The following MYH11 variants were observed in gnomAD, a reference collection of about 807,000 sequenced individuals.
MYH11 encodes the protein myosin-11.
A neutral mutation model predicts 246.6 loss-of-function variants in MYH11; 80 were observed. The observed-to-expected ratio is 0.32, with a 90% CI of 0.27 to 0.39. MYH11 has a LOEUF of 0.39. Ranked by LOEUF, MYH11 falls within the 10% of genes least tolerant of loss-of-function variation. The pLI is 1.00. For synonymous variants in MYH11, 1,071 were observed against 1,015.5 expected (o/e 1.05, Z -1.04); for missense variants, 2,158 against 2,546.8 (o/e 0.85, Z 3.29).
At chr16:15,717,014 T>G in intron 38 of MYH11, 126 bp downstream of exon 38, 1 of 1,015,708 alleles carries the variant, frequency 9.8e-7, no homozygotes, top group Non-Finnish European at 1.6e-6. Flanking sequence ...ACCTGCACTG[T>G]AGGCATCACA....
At chr16:15,755,837 C>G (rs1439164878) in intron 14 of MYH11, among the ~76,000 whole-genome samples, 1 of 152,192 alleles carries the variant, frequency 6.6e-6, no homozygotes, top group African/African-American at 2.4e-5. Context: ...GAGGCTGAGG[C>G]AGGAGAATCT....
At chr16:15,792,605 G>A (rs1293762892) in intron 4 of MYH11, 1 of 152,158 alleles carries the variant, frequency 6.6e-6, no homozygotes, top group East Asian at 1.9e-4. Context: ...GGGTGCGGCT[G>A]TGTTTCAATA....
intron 7 of MYH11, 83 bp downstream of exon 7, chr16:15,778,697 G>C: frequency 7.7e-7 from 1 of 1,292,522 alleles, no homozygotes. Flanking sequence ...GATAGAGGTG[G>C]CTCTTGGACT....
At chr16:15,708,103 A>G (rs1311952773) in intron 40 of MYH11, among the ~76,000 whole-genome samples, 2 of 152,112 alleles carry the variant, frequency 1.3e-5, no homozygotes, top group African/African-American at 4.8e-5. Context: ...AGCCTCCAGA[A>G]AAGGCTCTGC....
intron 40 of MYH11, 88 bp from the exon 41 acceptor site, chr16:15,704,211 T>A: frequency 1.3e-6 from 2 of 1,507,346 alleles, no homozygotes; most frequent in Non-Finnish European, 1.8e-6. Flanking sequence ...AACTTGTAGC[T>A]ATAGTCCTAT....
At chr16:15,843,412 C>T (rs966834295) in intron 1 of MYH11, among the ~76,000 whole-genome samples, 3 of 147,550 alleles carry the variant, frequency 2.0e-5, no homozygotes, top group Non-Finnish European at 3.0e-5. Context: ...AGGAAGAGGC[C>T]GGGCACAGTG....
Position 15,757,894 on chromosome 16 carries a change from C to T in MYH11, c.1508G>A (p.Gly503Asp). 1 of 1,614,240 alleles carries T rather than the reference C, an allele frequency of 6.2e-7. No homozygotes were observed. The highest frequency in any genetic ancestry group is 8.5e-7 in the Non-Finnish European group (1 of 1,180,040). ...ILEQEEYQRE[G>D]IEWNFIDFGL... The stretch of plus-strand genomic sequence containing the variant: ...AAAGTCGATGAAGTTCCACTCGATG[C>T]CCTCGCGCTGGTACTCCTCCTGCTC... Residue 503 changes from glycine to aspartate, a missense_variant, in exon 13 of 41, where the codon GGC (glycine) becomes GAC (aspartate). This residue lies in a region of MYH11 where 317 missense variants were observed against 507.7 expected (regional missense o/e 0.62). Coordinates refer to ENST00000300036, the MANE Select transcript of MYH11 (RefSeq NM_002474.3).
intron 2 of MYH11, among the ~76,000 whole-genome samples, chr16:15,827,112 C>A (rs531732652): frequency 6.6e-6 from 1 of 151,858 alleles, no homozygotes; most frequent in South Asian, 2.1e-4. Context: ...TAGCCATCAA[C>A]CATTTACTGA....
At chr16:15,812,043 C>T (rs1486000309) in intron 3 of MYH11, among the ~76,000 whole-genome samples, 2 of 152,138 alleles carry the variant, frequency 1.3e-5, no homozygotes, top group South Asian at 2.1e-4. Flanking sequence ...ATTTATTGAA[C>T]TTAGCTCCAG....
intron 1 of MYH11, among the ~76,000 whole-genome samples, chr16:15,846,587 G>A (rs1005856813): frequency 1.3e-5 from 2 of 152,248 alleles, no homozygotes; most frequent in Non-Finnish European, 2.9e-5. Context: ...CATGGCTCAC[G>A]CCTGTAATCC....
intron 4 of MYH11, among the ~76,000 whole-genome samples, chr16:15,795,387 G>A (rs1322287611): frequency 1.3e-5 from 2 of 152,058 alleles, no homozygotes; most frequent in South Asian, 2.1e-4. Flanking sequence ...GAGGCTCCCC[G>A]GGTCACCTGA....
At chr16:15,718,292 T>G in intron 37 of MYH11, 23 bp downstream of exon 37, 1 of 1,607,438 alleles carries the variant, frequency 6.2e-7, no homozygotes, top group Non-Finnish European at 8.5e-7. Flanking sequence ...GCAGCGTGAC[T>G]GTGGTGTCCA....
At chr16:15,748,751 G>A (rs986946020) in intron 16 of MYH11, among the ~76,000 whole-genome samples, 5 of 152,104 alleles carry the variant, frequency 3.3e-5, no homozygotes, top group African/African-American at 7.2e-5. Flanking sequence ...AAGTATTTGG[G>A]ACCACAGGTA....
chr16:15,705,138 C>T (rs968367201), intron 40 of MYH11, among the ~76,000 whole-genome samples: 6 of 152,048 alleles, frequency 3.9e-5, no homozygotes, highest in South Asian at 2.1e-4. Context: ...CACACTGCCA[C>T]GCCTGGCTAA....
At chr16:15,726,260 A>G (rs1403966348) in intron 28 of MYH11, 1 of 154,986 alleles carries the variant, frequency 6.5e-6, no homozygotes, top group Admixed American at 6.4e-5. Context: ...TGGGGCAGCG[A>G]CAGTGTCTCT....
rs17284411 is a variant in MYH11, at chr16:15,719,776, G to A, written c.4954-63C>T. 871,274 of 1,608,740 alleles carry A rather than the reference G, an allele frequency of 0.54. 238,432 individuals are homozygous for A. Among genetic ancestry groups the A allele is most frequent in the South Asian group, 0.68 (61,821 of 91,006 alleles). On this transcript the variant is annotated intron_variant, in intron 34 of 40. Coordinates refer to ENST00000300036, the MANE Select transcript of MYH11 (RefSeq NM_002474.3). ...TTACTCCCCCAAGTTCTGCTGCCCA[G>A]TTCAGCTTTGCACACCCACCCCTTG... is the stretch of plus-strand genomic sequence containing the variant.
At chr16:15,766,769 T>C (rs148914257) in intron 9 of MYH11, among the ~76,000 whole-genome samples, 323 of 152,284 alleles carry the variant, frequency 2.1e-3, no homozygotes, top group Non-Finnish European at 3.3e-3. Flanking sequence ...CTTTCTGGTA[T>C]AGTTAAATGT....
intron 5 of MYH11, chr16:15,784,732 A>G (rs754085379): frequency 1.2e-6 from 2 of 1,613,860 alleles, no homozygotes; most frequent in South Asian, 1.1e-5. Flanking sequence ...TGGTTGAACA[A>G]CACAGTATAA....
At chr16:15,804,385 G>A (rs965219975) in intron 3 of MYH11, among the ~76,000 whole-genome samples, 2 of 152,046 alleles carry the variant, frequency 1.3e-5, no homozygotes, top group African/African-American at 2.4e-5. Context: ...AGCTGGGCGC[G>A]GTGGTGCACA....
Sources: gnomAD v4.1 joint callset for allele counts (sites outside exome capture counted in the v4.1 genomes callset) on GRCh38, gnomAD v4.1.1 for gene constraint, gnomAD v4.1.1 regional missense constraint, MANE v1.5 for transcripts, NCBI Gene and HGNC (gene_info 2026-07-23, HGNC 2026-07-21) for gene names.